Variants in OPCML observed in about 807,000 individuals in gnomAD.
OPCML encodes the protein opioid binding protein/cell adhesion molecule like.
A neutral mutation model predicts 37.8 loss-of-function variants in OPCML; 13 were observed. The observed-to-expected ratio is 0.34, with a 90% CI of 0.22 to 0.55. OPCML has a LOEUF of 0.55. Among genes scored for constraint, OPCML ranks in the 20% least tolerant of loss-of-function variants. The pLI is 0.91. For synonymous variants in OPCML, 176 were observed against 168.8 expected, an observed-to-expected ratio of 1.04 and a Z score of -0.33; for missense variants, 341 against 435.6, an observed-to-expected ratio of 0.78 and a Z score of 1.93.
At chr11:132,788,573 C>CATCATCATCCCCATCAGCATCATGTGAT (rs1937667206) in intron 2 of OPCML, among the ~76,000 whole-genome samples, 1 of 152,078 alleles carries the variant, frequency 6.6e-6, no homozygotes, top group Admixed American at 6.5e-5. Flanking sequence ...TTTGAAATGC[C>CATCATCATCCCCATCAGCATCATGTGAT]ATCATCATCC....
At chr11:133,165,244 G>A (rs1592064705) in intron 1 of OPCML, among the ~76,000 whole-genome samples, 1 of 152,170 alleles carries the variant, frequency 6.6e-6, no homozygotes, top group African/African-American at 2.4e-5. Flanking sequence ...GCACTGGGAC[G>A]AGGGTTTTCC....
chr11:132,815,108 T>G (rs1414482243), intron 2 of OPCML, among the ~76,000 whole-genome samples: 1 of 152,194 alleles, frequency 6.6e-6, no homozygotes, highest in South Asian at 2.1e-4. Flanking sequence ...TTGCCCCACA[T>G]GGACTATTTT....
At chr11:133,467,604 C>T (rs1947005730) in intron 1 of OPCML, among the ~76,000 whole-genome samples, 1 of 152,012 alleles carries the variant, frequency 6.6e-6, no homozygotes, top group African/African-American at 2.4e-5. Flanking sequence ...TTATTGAGTA[C>T]CTCCCTCACT....
chr11:132,609,261 T>C (rs1452259279), intron 3 of OPCML, among the ~76,000 whole-genome samples: 1 of 152,216 alleles, frequency 6.6e-6, no homozygotes, highest in African/African-American at 2.4e-5. Flanking sequence ...AAATAAGTTT[T>C]ATTATTATTC....
chr11:132,572,110 CTTTT>C (rs769748652), intron 3 of OPCML, among the ~76,000 whole-genome samples: 1 of 138,102 alleles, frequency 7.2e-6, no homozygotes, highest in Non-Finnish European at 1.6e-5. Flanking sequence ...TTAAATCATG[CTTTT>C]TTTTTTTTTG....
chr11:133,520,997 G>C (rs1039512925), intron 1 of OPCML, among the ~76,000 whole-genome samples: 1 of 152,124 alleles, frequency 6.6e-6, no homozygotes, highest in Non-Finnish European at 1.5e-5. Context: ...CAGACTCTTT[G>C]GCATGCACTC....
chr11:132,534,788 T>C (rs1436193586), intron 3 of OPCML, among the ~76,000 whole-genome samples: 1 of 152,126 alleles, frequency 6.6e-6, no homozygotes, highest in Non-Finnish European at 1.5e-5. Context: ...TAAATATAAA[T>C]GTATTCAACA....
intron 3 of OPCML, among the ~76,000 whole-genome samples, chr11:132,542,096 A>C (rs529103132): frequency 3.9e-5 from 6 of 152,270 alleles, no homozygotes; most frequent in Admixed American, 1.3e-4. Flanking sequence ...GAGTGTGAGC[A>C]GGGACATTCC....
intron 1 of OPCML, among the ~76,000 whole-genome samples, chr11:133,467,980 G>A (rs1217397302): frequency 6.6e-6 from 1 of 152,072 alleles, no homozygotes; most frequent in East Asian, 1.9e-4. Flanking sequence ...TGGGACCTTG[G>A]CAATTTTGTC....
chr11:132,738,463 T>G (rs1293427405), intron 2 of OPCML, among the ~76,000 whole-genome samples: 2 of 152,172 alleles, frequency 1.3e-5, no homozygotes, highest in Non-Finnish European at 2.9e-5. Flanking sequence ...ATTTTTCAGT[T>G]TGAGGTGATC....
chr11:133,146,843 C>A (rs1949904866), intron 1 of OPCML, among the ~76,000 whole-genome samples: 1 of 152,192 alleles, frequency 6.6e-6, no homozygotes, highest in Admixed American at 6.5e-5. Flanking sequence ...AGGGCTAGAG[C>A]CCATGTTCAC....
chr11:132,894,127 C>A (rs1379749337), intron 2 of OPCML, among the ~76,000 whole-genome samples: 1 of 152,192 alleles, frequency 6.6e-6, no homozygotes, highest in Non-Finnish European at 1.5e-5. Flanking sequence ...CCTCAGTCTA[C>A]TCATTTAAGT....
intron 3 of OPCML, among the ~76,000 whole-genome samples, chr11:132,590,611 CAG>C (rs1228494167): frequency 6.6e-6 from 1 of 152,210 alleles, no homozygotes; most frequent in African/African-American, 2.4e-5. Context: ...TAAAGTCAAA[CAG>C]ATTAGAAAGC....
chr11:132,424,382 G>A (rs1017428378), intron 7 of OPCML, among the ~76,000 whole-genome samples: 2 of 152,186 alleles, frequency 1.3e-5, no homozygotes, highest in Non-Finnish European at 2.9e-5. Flanking sequence ...GCCTCCCAAA[G>A]TGTGGGGATT....
chr11:132,721,547 C>T (rs776196856), intron 2 of OPCML, among the ~76,000 whole-genome samples: 2 of 152,256 alleles, frequency 1.3e-5, no homozygotes, highest in South Asian at 4.1e-4. Flanking sequence ...TCTCTGGGAG[C>T]TGGGTACCCA....
intron 1 of OPCML, among the ~76,000 whole-genome samples, chr11:133,273,139 G>A (rs1304140367): frequency 2.0e-5 from 3 of 152,116 alleles, no homozygotes; most frequent in Non-Finnish European, 4.4e-5. Context: ...TCCCTCCCTA[G>A]GACGCACGAC....
chr11:132,580,186 C>G (rs937680449), intron 3 of OPCML, among the ~76,000 whole-genome samples: 3 of 152,168 alleles, frequency 2.0e-5, no homozygotes, highest in Non-Finnish European at 4.4e-5. Flanking sequence ...ACCATAGCAG[C>G]TTGGAGCACA....
At chr11:133,005,721 G>A in intron 1 of OPCML, 1 of 977,090 alleles carries the variant, frequency 1.0e-6, no homozygotes, top group Non-Finnish European at 1.2e-6. Flanking sequence ...TATCTTTTCT[G>A]TTAATTCTTT....
At chr11:132,923,704 T>C (rs1163466921) in intron 2 of OPCML, among the ~76,000 whole-genome samples, 1 of 148,626 alleles carries the variant, frequency 6.7e-6, no homozygotes, top group Non-Finnish European at 1.5e-5. Context: ...CCTGCCTCTG[T>C]CAAACAGACA....
Sources: allele counts gnomAD v4.1 joint callset (sites outside exome capture counted in the v4.1 genomes callset), GRCh38; gene constraint gnomAD v4.1.1; transcripts MANE v1.5; gene names NCBI Gene and HGNC (gene_info 2026-07-23, HGNC 2026-07-21).